The following DNAH1 variants were observed in gnomAD, a reference collection of about 807,000 sequenced individuals.
DNAH1 encodes dynein axonemal heavy chain 1.
Under a neutral mutation model 484.3 loss-of-function variants are expected in DNAH1, and 327 were observed. The observed-to-expected ratio is 0.68, with a 90% confidence interval of 0.62 to 0.74. The LOEUF is 0.74. Among genes scored for constraint, DNAH1 ranks in the 30% least tolerant of loss-of-function variants. The probability of loss-of-function intolerance (pLI) is 0.00; values close to 1 mark genes in which losing one functional copy is unlikely to be tolerated. For synonymous variants in DNAH1, 2,192 were observed against 2,191.9 expected (o/e 1.00, Z 0.00); for missense variants, 5,052 against 5,546.8 (o/e 0.91, Z 2.83).
rs755290251 is a variant in DNAH1 at position 52,381,758 on chromosome 3, G to T, written c.7727G>T (p.Arg2576Leu). 2 of 1,604,804 alleles carry T rather than the reference G, an allele frequency of 1.2e-6. No individual in the cohort carries two copies. Among genetic ancestry groups the T allele is most frequent in the Non-Finnish European group, 1.7e-6 (2 of 1,176,474 alleles). ...ATCTGTCGCATCAGCCGCACCCTAC[G>T]CCAGGCGCTGGGCAATGCACTCCTG... is the stretch of plus-strand genomic sequence containing the variant. Reference protein sequence around the residue: ...SHICRISRTLRQALGNALLLG... With the variant: ...SHICRISRTLLQALGNALLLG... The change falls in exon 49 of 78, where the codon CGC (arginine) becomes CTC (leucine). Residue 2576 changes from arginine (R) to leucine (L), a missense_variant. Transcript: ENST00000420323. This position sits in a 1 kb window ranked among gnomAD's most constrained non-coding sequence, Gnocchi z 4.1.
At chr3:52,372,858 G>A in intron 43 of DNAH1, 38 bp from the exon 44 acceptor site, 1 of 1,586,838 alleles carries the variant, frequency 6.3e-7, no homozygotes, top group Non-Finnish European at 8.6e-7. Flanking sequence ...AGGACCTGGT[G>A]CCTGTGGGTG....
upstream of DNAH1, among the ~76,000 whole-genome samples, chr3:52,315,604 CTT>C (rs1700924012): frequency 6.6e-6 from 1 of 152,224 alleles, no homozygotes; most frequent in Non-Finnish European, 1.5e-5. Flanking sequence ...CTCCCCAACT[CTT>C]GTAGAAACCT....
Position 52,378,714 on chromosome 3 carries a change from C to T in DNAH1, c.7311C>T (p.Thr2437=). The change falls in exon 47 of 78, where the codon ACC becomes ACT. Residue 2437 remains threonine (T), a synonymous_variant. Coordinates refer to ENST00000420323, the MANE Select transcript of DNAH1 (RefSeq NM_015512.5). ...CCACTCCAGCCAAGTCCCACTACAC[C>T]TTCAACCTGAGGGACCTCTCCAAGG... is the stretch of plus-strand genomic sequence containing the variant. ...LLPTPAKSHY[T]FNLRDLSKVF... 3 of 1,613,818 alleles carry T rather than the reference C, an allele frequency of 1.9e-6. No homozygotes were observed. The highest frequency in any genetic ancestry group is 2.5e-6 in the Non-Finnish European group (3 of 1,179,880).
In DNAH1 at chr3:52,375,314, AC is replaced by A. The variant is rs773037823; in HGVS notation, c.7064del (p.Pro2355ArgfsTer3). The A allele has an allele frequency of 1.2e-6, 2 of 1,612,680 alleles. No individual in the cohort carries two copies. The highest frequency in any genetic ancestry group is 8.5e-7 in the Non-Finnish European group (1 of 1,179,476). On this transcript the variant is annotated frameshift_variant, in exon 45 of 78. Coordinates refer to ENST00000420323, the MANE Select transcript of DNAH1 (RefSeq NM_015512.5). LOFTEE classifies it high-confidence loss of function. Reference sequence around the variant, plus strand: ...CCCGGGTGGAGGCAGGAACACCGTCACCCCGCGGCTGATGCGTCACTTCAAC... The same window carrying A: ...CCCGGGTGGAGGCAGGAACACCGTCACCCGCGGCTGATGCGTCACTTCAAC... Reference protein sequence around the residue: ...GPPGGGRNTVTPRLMRHFNYL... With the variant: ...GPPGGGRNTVXPRLMRHFNYL...
At chr3:52,323,932 A>G in intron 3 of DNAH1, 52 bp downstream of exon 3, 1 of 1,433,288 alleles carries the variant, frequency 7.0e-7, no homozygotes, top group Non-Finnish European at 9.6e-7. Context: ...ATTTCAAAGC[A>G]GGCTTTTGGC....
In DNAH1 at chr3:52,399,580, A is replaced by G. The variant is rs1366051027; in HGVS notation, c.12477A>G (p.Arg4159=). 2 of 1,613,342 alleles carry G rather than the reference A, an allele frequency of 1.2e-6. No individual in the cohort carries two copies. Among genetic ancestry groups the G allele is most frequent in the Non-Finnish European group, 1.7e-6 (2 of 1,179,468 alleles). Residue 4159 remains arginine (R), a synonymous_variant, in exon 77 of 78, where the codon AGA becomes AGG. Coordinates refer to ENST00000420323, the MANE Select transcript of DNAH1 (RefSeq NM_015512.5). ...MFEAPSELTQ[R]PQVGCYIHGL... is the part of the protein sequence containing the mutation. ...AGGCACCATCAGAGTTAACACAAAGACCCCAAGTAGGGTGCTATATCCATG... is the reference window on the plus strand; with the variant it reads ...AGGCACCATCAGAGTTAACACAAAGGCCCCAAGTAGGGTGCTATATCCATG...
At chr3:52,313,427 T>C (rs1700856774), upstream of DNAH1, among the ~76,000 whole-genome samples, 1 of 152,160 alleles carries the variant, frequency 6.6e-6, no homozygotes, top group Non-Finnish European at 1.5e-5. Context: ...GGTCTTTGTC[T>C]CATGGTCTTT....
chr3:52,374,140 A>C lies in DNAH1; in HGVS notation c.6985+1087A>C, dbSNP rs576323218. The C allele has an allele frequency of 6.7e-5, 82 of 1,216,556 alleles. No individual in the cohort carries two copies. The African/African-American group carries it at 1.1e-3, about 17-fold the overall frequency. The allele number at this position is 1,216,556 out of a possible 1,614,324, so 75.4% of individuals were successfully genotyped here. ...TTCACAGAATCTATGGGAAATTCCT[A>C]GGCTTGAGAGCTTACATCAGAAAAC... On this transcript the variant is annotated intron_variant, in intron 44 of 77. Transcript: ENST00000420323.
At chr3:52,348,680 C>T (rs577374143) in intron 12 of DNAH1, among the ~76,000 whole-genome samples, 28 of 152,330 alleles carry the variant, frequency 1.8e-4, no homozygotes, top group African/African-American at 6.3e-4. Context: ...CTCACAGGGG[C>T]GTCTGGCCTT....
At chr3:52,369,788 G>A (rs1703244826) in intron 37 of DNAH1, 37 bp from the exon 38 acceptor site, 1 of 1,573,562 alleles carries the variant, frequency 6.4e-7, no homozygotes, top group Non-Finnish European at 8.7e-7. Context: ...CTGAGGACTG[G>A]CAGCCAGCCC....
intron 11 of DNAH1, 123 bp downstream of exon 11, chr3:52,346,893 G>C: frequency 9.2e-7 from 1 of 1,086,192 alleles, no homozygotes; most frequent in Non-Finnish European, 1.3e-6. Flanking sequence ...GCAGTAAGGA[G>C]AGCCGAGCTC....
intron 3 of DNAH1, among the ~76,000 whole-genome samples, chr3:52,325,508 T>G (rs544364724): frequency 6.6e-6 from 1 of 152,326 alleles, no homozygotes; most frequent in Non-Finnish European, 1.5e-5. Flanking sequence ...CCATTGATTA[T>G]CTGGTGTCAC....
chr3:52,354,662 C>T (rs1702532215), intron 20 of DNAH1, among the ~76,000 whole-genome samples, 181 bp from the exon 21 acceptor site: 1 of 150,556 alleles, frequency 6.6e-6, no homozygotes, highest in South Asian at 2.1e-4. Flanking sequence ...AGTGAATTGG[C>T]CCTGAATTCA....
At position 52,388,604 on chromosome 3, in the gene DNAH1, G is replaced by A. The variant is rs756066086; in HGVS notation, c.9358G>A (p.Gly3120Ser). The change falls in exon 58 of 78, where the codon GGC becomes AGC. Residue 3120 changes from glycine (G) to serine (S), a missense_variant. This residue lies in a region of DNAH1 where 2,929 missense variants were observed against 3,409.4 expected (regional missense o/e 0.86). Transcript: ENST00000420323. ...EQCEQRLGRA[G>S]KLINGLSDEK... ...GTGTGAGCAGCGGCTGGGCCGAGCT[G>A]GCAAGGTGCGCACCCTCCTCCTGCA... 1 of 1,612,114 alleles carries A rather than the reference G, an allele frequency of 6.2e-7. No homozygotes were observed. The highest frequency in any genetic ancestry group is 8.5e-7 in the Non-Finnish European group (1 of 1,179,496).
At chr3:52,347,600 G>A (rs1358301960) in intron 11 of DNAH1, among the ~76,000 whole-genome samples, 2 of 152,208 alleles carry the variant, frequency 1.3e-5, no homozygotes, top group East Asian at 1.9e-4. Flanking sequence ...CCTCCCTCTC[G>A]TGTGGTGCTC....
Position 52,331,280 on chromosome 3 carries a change from C to G in DNAH1, c.1004C>G (p.Pro335Arg), listed in dbSNP as rs1025009072. The change falls in exon 7 of 78, where the codon CCC becomes CGC. Residue 335 changes from proline (P) to arginine (R), a missense_variant. Around this residue, in one of 4 missense-constraint regions of DNAH1, gnomAD observed 1,263 missense variants for 1,218.8 expected, o/e 1.04. Transcript: ENST00000420323. The part of the protein sequence containing the change: ...KGLVRDEMGR[P>R]ILNAGVTTEG... ...CTGGTGCGAGATGAGATGGGGAGGC[C>G]CATCCTGAATGCAGGGGTCACCACT... 1 of 1,609,850 alleles carries G rather than the reference C, an allele frequency of 6.2e-7. No individual in the cohort carries two copies. Among genetic ancestry groups the G allele is most frequent in the Non-Finnish European group, 8.5e-7 (1 of 1,178,224 alleles).
At chr3:52,378,249 G>T (rs1261665363) in intron 46 of DNAH1, among the ~76,000 whole-genome samples, 1 of 151,860 alleles carries the variant, frequency 6.6e-6, no homozygotes, top group African/African-American at 2.4e-5. Flanking sequence ...CCCTCCCCAA[G>T]TGTGGCTCAG....
Position 52,366,328 on chromosome 3 carries a change from C to T in DNAH1, c.5519-129C>T. ...CCTATGATGTAGGTGCTACCACCATCCTCATTTTATAGATGAGGAAATTGA... is the reference window on the plus strand; with the variant it reads ...CCTATGATGTAGGTGCTACCACCATTCTCATTTTATAGATGAGGAAATTGA... On this transcript the variant is annotated intron_variant, in intron 34 of 77. Coordinates refer to ENST00000420323, the MANE Select transcript of DNAH1 (RefSeq NM_015512.5). The T allele has an allele frequency of 4.2e-6, 3 of 717,964 alleles. No individual in the cohort carries two copies. The South Asian group carries it at 5.5e-5, about 13-fold the overall frequency. 44.5% of individuals were successfully genotyped at this position (717,964 alleles called of 1,614,324 possible). A position where few individuals can be genotyped will look rare whatever the true frequency, so the allele number is the denominator to read the frequency against.
chr3:52,375,855 T>C, intron 45 of DNAH1, 100 bp from the exon 46 acceptor site: 1 of 1,388,878 alleles, frequency 7.2e-7, no homozygotes, highest in Non-Finnish European at 1.0e-6. Context: ...GGGAAAAGCT[T>C]ACCCCAAGAT....
Sources: gnomAD v4.1 joint callset for allele counts (sites outside exome capture counted in the v4.1 genomes callset) on GRCh38, gnomAD v4.1.1 for gene constraint, gnomAD v4.1.1 regional missense constraint, Gnocchi (gnomAD v3.1) non-coding constraint, MANE v1.5 for transcripts, NCBI Gene and HGNC (gene_info 2026-07-23, HGNC 2026-07-21) for gene names.